Variants in PDE4D observed in about 807,000 individuals in gnomAD.
PDE4D encodes phosphodiesterase 4D.
PDE4D carries 24 observed loss-of-function variants against 87.4 expected under a neutral mutation model. The observed-to-expected ratio is 0.27, with a 90% CI of 0.20 to 0.39. PDE4D has a LOEUF of 0.39. PDE4D is among the 10% of genes least tolerant of loss of function. PDE4D has a pLI of 1.00. For synonymous variants in PDE4D, 384 were observed against 383.2 expected (o/e 1.00, Z -0.02); for missense variants, 714 against 1,041.0 (o/e 0.69, Z 4.32).
intron 1 of PDE4D, among the ~76,000 whole-genome samples, chr5:59,870,602 A>T (rs1311314936): frequency 1.3e-5 from 2 of 152,198 alleles, no homozygotes; most frequent in Non-Finnish European, 2.9e-5. Flanking sequence ...CTAAGAAGGG[A>T]CTACTTACCT....
chr5:59,764,262 C>T (rs1222622348), intron 1 of PDE4D, among the ~76,000 whole-genome samples: 1 of 151,986 alleles, frequency 6.6e-6, no homozygotes, highest in Non-Finnish European at 1.5e-5. Flanking sequence ...GCACAGAGTA[C>T]ATAATAAAAA....
intron 1 of PDE4D, among the ~76,000 whole-genome samples, chr5:60,323,069 G>A (rs1335900985): frequency 6.6e-6 from 1 of 152,140 alleles, no homozygotes; most frequent in Non-Finnish European, 1.5e-5. Context: ...GTGAGATTAA[G>A]TTCCTTAAAG....
At chr5:59,139,005 G>T (rs1407291020) in intron 5 of PDE4D, among the ~76,000 whole-genome samples, 3 of 152,150 alleles carry the variant, frequency 2.0e-5, no homozygotes, top group Admixed American at 2.0e-4. Context: ...TCTATAAAAG[G>T]TGAAGGTAGG....
intron 1 of PDE4D, among the ~76,000 whole-genome samples, chr5:59,508,814 A>T (rs1809749805): frequency 6.6e-6 from 1 of 152,112 alleles, no homozygotes. Flanking sequence ...CAAACAGGTG[A>T]AACAACAAAT....
At chr5:60,176,270 C>T (rs944161056) in intron 2 of PDE4D, among the ~76,000 whole-genome samples, 3 of 152,118 alleles carry the variant, frequency 2.0e-5, no homozygotes, top group African/African-American at 4.8e-5. Flanking sequence ...ATGATGCCAT[C>T]CTCTTTCTTC....
intron 1 of PDE4D, among the ~76,000 whole-genome samples, chr5:59,865,430 A>G (rs1357041913): frequency 2.6e-5 from 4 of 152,214 alleles, no homozygotes; most frequent in Non-Finnish European, 5.9e-5. Context: ...ACTGAAAAAC[A>G]GAGGTGCCCC....
intron 1 of PDE4D, among the ~76,000 whole-genome samples, chr5:60,378,540 C>T (rs756500820): frequency 6.6e-6 from 1 of 151,968 alleles, no homozygotes; most frequent in Non-Finnish European, 1.5e-5. Context: ...AAAATAGAAA[C>T]ATAAGTAAAA....
At chr5:59,020,381 G>C (rs903823122) in intron 6 of PDE4D, among the ~76,000 whole-genome samples, 1 of 152,024 alleles carries the variant, frequency 6.6e-6, no homozygotes, top group African/African-American at 2.4e-5. Flanking sequence ...GCTGAGGCAG[G>C]AGAATCACTT....
chr5:60,357,965 TAC>T (rs911568211), intron 1 of PDE4D, among the ~76,000 whole-genome samples: 12 of 152,232 alleles, frequency 7.9e-5, no homozygotes, highest in African/African-American at 2.9e-4. Flanking sequence ...ACATAGTAAG[TAC>T]ACAGTATCTC....
chr5:59,153,929 C>T (rs1213521649), intron 5 of PDE4D, among the ~76,000 whole-genome samples: 1 of 151,934 alleles, frequency 6.6e-6, no homozygotes, highest in African/African-American at 2.4e-5. Context: ...GTGAACCAGG[C>T]AATTATGAGA....
At chr5:59,349,550 T>C (rs1035809145) in intron 1 of PDE4D, among the ~76,000 whole-genome samples, 3 of 152,148 alleles carry the variant, frequency 2.0e-5, no homozygotes, top group African/African-American at 7.2e-5. Flanking sequence ...ATGGCACTCG[T>C]TGAAAATCAT....
chr5:59,105,272 CT>C (rs1771407145), intron 5 of PDE4D, among the ~76,000 whole-genome samples: 1 of 152,154 alleles, frequency 6.6e-6, no homozygotes, highest in Non-Finnish European at 1.5e-5. Flanking sequence ...GTTTTGTAAA[CT>C]GAATTTTTCC....
intron 1 of PDE4D, chr5:59,275,228 A>T: frequency 1.2e-6 from 1 of 853,878 alleles, no homozygotes; most frequent in Non-Finnish European, 1.8e-6. Context: ...AGAGCCGCCA[A>T]TACTGCCTTC....
At chr5:59,954,551 G>C (rs1210867260) in intron 3 of PDE4D, among the ~76,000 whole-genome samples, 1 of 152,136 alleles carries the variant, frequency 6.6e-6, no homozygotes, top group African/African-American at 2.4e-5. Flanking sequence ...GTTATTATTA[G>C]AGATGGCAGG....
At chr5:60,018,821 A>G (rs1765766607) in intron 2 of PDE4D, among the ~76,000 whole-genome samples, 1 of 152,194 alleles carries the variant, frequency 6.6e-6, no homozygotes, top group African/African-American at 2.4e-5. Context: ...CCAATACATG[A>G]ACAGCCAGAT....
intron 1 of PDE4D, among the ~76,000 whole-genome samples, chr5:59,799,164 A>C (rs1376144026): frequency 6.6e-6 from 1 of 152,200 alleles, no homozygotes; most frequent in Non-Finnish European, 1.5e-5. Context: ...CCGAAAGTTC[A>C]TATTCACACA....
At position 58,971,983 on chromosome 5, in the gene PDE4D, G is replaced by A. The variant is rs534327241; in HGVS notation, c.*2681C>T. On this transcript the variant is annotated 3_prime_UTR_variant, in exon 15 of 15. Transcript: ENST00000340635. ...CCATTAGTGGGTATCTTTACAACAC[G>A]GTACCATTAAAAACCAACAAACTGG... 1 of 151,422 alleles carries A rather than the reference G, an allele frequency of 6.6e-6. No homozygotes were observed. Among genetic ancestry groups the A allele is most frequent in the South Asian group, 2.1e-4 (1 of 4,742 alleles). 9.4% of individuals were successfully genotyped at this position (151,422 alleles called of 1,614,324 possible).
chr5:59,085,985 T>G (rs765968629), intron 5 of PDE4D, among the ~76,000 whole-genome samples: 1 of 152,172 alleles, frequency 6.6e-6, no homozygotes, highest in Non-Finnish European at 1.5e-5. Context: ...ATAACGATGT[T>G]GTATATATAA....
chr5:59,963,011 G>T (rs900132573), intron 3 of PDE4D, among the ~76,000 whole-genome samples: 1 of 152,120 alleles, frequency 6.6e-6, no homozygotes, highest in Non-Finnish European at 1.5e-5. Flanking sequence ...CTGGAGAGGA[G>T]AACGTGAACA....
Sources: allele counts gnomAD v4.1 joint callset (sites outside exome capture counted in the v4.1 genomes callset), GRCh38; gene constraint gnomAD v4.1.1; transcripts MANE v1.5; gene names NCBI Gene and HGNC (gene_info 2026-07-23, HGNC 2026-07-21).